MACROD2: variants seen among roughly 807,000 people sequenced by gnomAD.
MACROD2 encodes mono-ADP ribosylhydrolase 2.
Under a neutral mutation model 70.4 loss-of-function variants are expected in MACROD2, and 36 were observed. The observed-to-expected ratio is 0.51, with a 90% CI of 0.39 to 0.68. The LOEUF is 0.68. MACROD2 is among the 30% of genes least tolerant of loss of function. The pLI, the probability that MACROD2 is intolerant of heterozygous loss-of-function variation, is 0.00. For missense variants in MACROD2, 496 were observed against 538.4 expected, an observed-to-expected ratio of 0.92 and a Z score of 0.78; for synonymous variants, 172 against 178.8, an observed-to-expected ratio of 0.96 and a Z score of 0.30.
At chr20:14,536,660 T>C (rs1439488453) in intron 4 of MACROD2, among the ~76,000 whole-genome samples, 2 of 151,656 alleles carry the variant, frequency 1.3e-5, no homozygotes, top group South Asian at 2.1e-4. Flanking sequence ...TGTGTGTGTG[T>C]GTGCATGCAT....
intron 1 of MACROD2, among the ~76,000 whole-genome samples, chr20:14,001,919 C>G (rs1274162870): frequency 6.6e-6 from 1 of 152,128 alleles, no homozygotes; most frequent in African/African-American, 2.4e-5. Context: ...CACTAGACAC[C>G]ATGTCACACA....
At chr20:15,383,602 A>G (rs2045673154) in intron 6 of MACROD2, among the ~76,000 whole-genome samples, 1 of 152,196 alleles carries the variant, frequency 6.6e-6, no homozygotes, top group Admixed American at 6.5e-5. Context: ...TGGCTTTCAT[A>G]TAAGCATCAA....
At chr20:14,510,933 G>T (rs2085022682) in intron 4 of MACROD2, among the ~76,000 whole-genome samples, 1 of 152,104 alleles carries the variant, frequency 6.6e-6, no homozygotes, top group South Asian at 2.1e-4. Flanking sequence ...TGGATGCAGG[G>T]AGTGGGTGGT....
intron 15 of MACROD2, among the ~76,000 whole-genome samples, chr20:16,033,950 G>GT (rs2067189620): frequency 6.6e-6 from 1 of 152,018 alleles, no homozygotes; most frequent in East Asian, 1.9e-4. Context: ...AGTTGGAGTT[G>GT]TGGTTTGTTG....
intron 5 of MACROD2, among the ~76,000 whole-genome samples, chr20:14,924,738 G>A (rs981770985): frequency 1.3e-5 from 2 of 152,012 alleles, no homozygotes; most frequent in African/African-American, 4.8e-5. Context: ...AAAACACTAG[G>A]ATCTGGACTG....
At chr20:14,528,927 A>G (rs1413468317) in intron 4 of MACROD2, among the ~76,000 whole-genome samples, 1 of 152,182 alleles carries the variant, frequency 6.6e-6, no homozygotes, top group Admixed American at 6.5e-5. Flanking sequence ...TAATAACTAG[A>G]GCACGGATTA....
chr20:14,071,262 T>TTG (rs2053836234), intron 2 of MACROD2, among the ~76,000 whole-genome samples: 1 of 126,644 alleles, frequency 7.9e-6, no homozygotes, highest in Non-Finnish European at 1.7e-5. Flanking sequence ...GTTTTTTTTT[T>TTG]TTTTTTTTTT....
At chr20:14,929,688 G>A (rs2074274382) in intron 5 of MACROD2, among the ~76,000 whole-genome samples, 1 of 151,984 alleles carries the variant, frequency 6.6e-6, no homozygotes, top group Admixed American at 6.5e-5. Flanking sequence ...GGTTCCTCTG[G>A]CAAGGGGCTC....
chr20:14,675,933 A>G (rs2070855291), intron 4 of MACROD2, among the ~76,000 whole-genome samples: 1 of 152,190 alleles, frequency 6.6e-6, no homozygotes, highest in Admixed American at 6.5e-5. Flanking sequence ...TAAACCAACA[A>G]AGATTAAAAA....
intron 6 of MACROD2, among the ~76,000 whole-genome samples, chr20:15,378,797 A>G (rs967721968): frequency 6.6e-6 from 1 of 152,160 alleles, no homozygotes; most frequent in East Asian, 1.9e-4. Flanking sequence ...TTTTTTTTCA[A>G]CCTTAACTGA....
intron 8 of MACROD2, among the ~76,000 whole-genome samples, chr20:15,576,890 T>G (rs1008306278): frequency 2.0e-5 from 3 of 152,192 alleles, no homozygotes; most frequent in Non-Finnish European, 4.4e-5. Flanking sequence ...GGTGGTGCTT[T>G]GGAAGGAAAT....
chr20:14,028,457 G>A (rs529483817), intron 2 of MACROD2, among the ~76,000 whole-genome samples: 7 of 152,150 alleles, frequency 4.6e-5, no homozygotes, highest in South Asian at 4.1e-4. Flanking sequence ...CGTTCCAGGC[G>A]CCACTGGGGT....
At chr20:16,044,175 A>G (rs1295195020) in intron 16 of MACROD2, among the ~76,000 whole-genome samples, 1 of 151,976 alleles carries the variant, frequency 6.6e-6, no homozygotes, top group African/African-American at 2.4e-5. Flanking sequence ...GGAGTATGCA[A>G]CTCACATGGC....
intron 5 of MACROD2, among the ~76,000 whole-genome samples, chr20:14,829,374 C>T (rs1049456554): frequency 9.2e-5 from 14 of 151,812 alleles, no homozygotes; most frequent in African/African-American, 3.4e-4. Context: ...TCGTGATCCA[C>T]CCGCCTCGGC....
intron 5 of MACROD2, among the ~76,000 whole-genome samples, chr20:14,736,327 G>C (rs2071664064): frequency 6.6e-6 from 1 of 152,170 alleles, no homozygotes; most frequent in Non-Finnish European, 1.5e-5. Context: ...GAGGGAGACA[G>C]GAGTGGGGAG....
chr20:15,015,689 T>A (rs1320023897), intron 5 of MACROD2, among the ~76,000 whole-genome samples: 9 of 152,242 alleles, frequency 5.9e-5, no homozygotes, highest in Non-Finnish European at 1.3e-4. Context: ...TATCTTCACA[T>A]TTTTAAAACA....
In MACROD2 at chr20:14,687,345, C is replaced by T. The variant is rs149998762; in HGVS notation, c.418+2386C>T. 2.7e-4 allele frequency among the ~76,000 whole-genome samples: 41 copies of T among 152,248 alleles called. No individual in the cohort carries two copies. The East Asian group carries it at 7.9e-3, about 29-fold the overall frequency. ...AAATGGTGGCTGTAGTGTATGGGTT[C>T]ACACTGTGATAATTTTTTAAATGTG... is the stretch of plus-strand genomic sequence containing the variant. On this transcript the variant is annotated intron_variant, in intron 5 of 17. Transcript: ENST00000684519.
intron 13 of MACROD2, among the ~76,000 whole-genome samples, chr20:15,978,628 C>G (rs7266494): frequency 0.22 from 33,889 of 151,340 alleles, 4,688 homozygotes; most frequent in Non-Finnish European, 0.29. Context: ...TTCTTTCTCT[C>G]AGCTAACCTT....
At chr20:15,572,110 T>G (rs543699027) in intron 8 of MACROD2, among the ~76,000 whole-genome samples, 1 of 152,114 alleles carries the variant, frequency 6.6e-6, no homozygotes, top group Non-Finnish European at 1.5e-5. Flanking sequence ...TTTAAACTCT[T>G]TTCAGTTTAA....
Sources: gnomAD v4.1 joint callset for allele counts (sites outside exome capture counted in the v4.1 genomes callset) on GRCh38, gnomAD v4.1.1 for gene constraint, MANE v1.5 for transcripts, NCBI Gene and HGNC (gene_info 2026-07-23, HGNC 2026-07-21) for gene names.